Variants in SDK2 observed in about 807,000 individuals in gnomAD.
SDK2 encodes protein sidekick-2.
SDK2 carries 105 observed loss-of-function variants against 253.9 expected under a neutral mutation model. That is an observed-to-expected ratio of 0.41 (90% CI 0.35 to 0.49). The LOEUF (loss-of-function observed/expected upper bound fraction) is 0.49, where lower values mean the gene tolerates loss of function less well. Among genes scored for constraint, SDK2 ranks in the 20% least tolerant of loss-of-function variants. The pLI is 0.06. For missense variants in SDK2, 2,608 were observed against 3,003.0 expected (o/e 0.87, Z 3.07); for synonymous variants, 1,249 against 1,234.9 (o/e 1.01, Z -0.24).
chr17:73,433,578 C>T lies in SDK2; in HGVS notation c.1312+154G>A, dbSNP rs939910042. Reference sequence around the variant, plus strand: ...TGCTGGGATTATAGGCATGAGCCACCGCGCCCGGCCGAGAGATGCTCTCTT... The same window carrying T: ...TGCTGGGATTATAGGCATGAGCCACTGCGCCCGGCCGAGAGATGCTCTCTT... On this transcript the variant is annotated intron_variant, in intron 10 of 44. Coordinates refer to ENST00000392650, the MANE Select transcript of SDK2 (RefSeq NM_001144952.2). 7.2e-5 allele frequency among the ~76,000 whole-genome samples: 11 copies of T among 152,260 alleles called. No homozygotes were observed. In the East Asian group the frequency reaches 9.7e-4, roughly 13 times the overall value.
intron 4 of SDK2, among the ~76,000 whole-genome samples, chr17:73,451,458 C>T (rs977610876): frequency 6.6e-5 from 10 of 152,188 alleles, no homozygotes; most frequent in South Asian, 6.2e-4. Context: ...GAGCTGAGAT[C>T]GTGCCATTGC....
chr17:73,492,720 T>C (rs563632298), intron 2 of SDK2, among the ~76,000 whole-genome samples: 317 of 152,256 alleles, frequency 2.1e-3, no homozygotes, highest in African/African-American at 6.4e-3. Context: ...CCAGCTCCCC[T>C]GCCAAATGGC....
intron 18 of SDK2, among the ~76,000 whole-genome samples, chr17:73,409,654 C>T (rs2063109351): frequency 6.6e-6 from 1 of 151,056 alleles, no homozygotes; most frequent in Non-Finnish European, 1.5e-5. Flanking sequence ...AAAAAAAAAA[C>T]ACAAAAGGGG....
At chr17:73,448,677 TGA>T (rs1326935402) in intron 4 of SDK2, among the ~76,000 whole-genome samples, 3 of 150,802 alleles carry the variant, frequency 2.0e-5, no homozygotes, top group African/African-American at 4.9e-5. Context: ...TTTTTTTTTT[TGA>T]GACAGAGTTT....
intron 36 of SDK2, among the ~76,000 whole-genome samples, chr17:73,377,674 G>A (rs2062794475): frequency 6.9e-6 from 1 of 145,304 alleles, no homozygotes; most frequent in Non-Finnish European, 1.5e-5. Flanking sequence ...GTGCAATGGT[G>A]CAATCTCGGC....
Position 73,348,453 on chromosome 17 carries a change from A to T in SDK2, c.6165+146T>A, listed in dbSNP as rs181091511. On this transcript the variant is annotated intron_variant, in intron 44 of 44. Transcript: ENST00000392650. ...GAACTTGGGAGGGGACAGATGGCCC[A>T]TATATGACTTCAGGGTGGTTTCTTG... 674 of 968,044 alleles carry T rather than the reference A, an allele frequency of 7.0e-4. 2 individuals are homozygous for T. The African/African-American group carries it at 0.01, about 15-fold the overall frequency. 60.0% of individuals were successfully genotyped at this position (968,044 alleles called of 1,614,324 possible). A position where few individuals can be genotyped will look rare whatever the true frequency, so the allele number is the denominator to read the frequency against.
intron 2 of SDK2, among the ~76,000 whole-genome samples, chr17:73,504,931 A>T (rs896122218): frequency 6.6e-6 from 1 of 152,092 alleles, no homozygotes; most frequent in African/African-American, 2.4e-5. Flanking sequence ...GGGGCACAGC[A>T]AGTTTTTAAT....
intron 30 of SDK2, among the ~76,000 whole-genome samples, chr17:73,387,582 C>T (rs1403844817): frequency 6.6e-6 from 1 of 152,190 alleles, no homozygotes. Flanking sequence ...TAAAGGGGGA[C>T]TTCTAGGCTC....
At chr17:73,602,803 T>C (rs1047619098) in intron 1 of SDK2, among the ~76,000 whole-genome samples, 1 of 152,060 alleles carries the variant, frequency 6.6e-6, no homozygotes, top group Non-Finnish European at 1.5e-5. Context: ...CTCGGCTCAC[T>C]GCAAGCTCCA....
chr17:73,389,710 G>C (rs1017402263), intron 29 of SDK2, among the ~76,000 whole-genome samples: 4 of 152,138 alleles, frequency 2.6e-5, no homozygotes, highest in Non-Finnish European at 5.9e-5. Flanking sequence ...CCAGGGCTGT[G>C]AGTGGGGAGG....
At chr17:73,577,294 A>G (rs141430076) in intron 1 of SDK2, among the ~76,000 whole-genome samples, 121 of 152,350 alleles carry the variant, frequency 7.9e-4, no homozygotes, top group African/African-American at 2.8e-3. Flanking sequence ...TCTTAAGTGG[A>G]ATCCATTGGC....
intron 5 of SDK2, among the ~76,000 whole-genome samples, chr17:73,444,819 G>A (rs2063441183): frequency 6.6e-6 from 1 of 152,154 alleles, no homozygotes; most frequent in African/African-American, 2.4e-5. Context: ...CCCTCTCTTG[G>A]GCAGGCTTCT....
intron 3 of SDK2, among the ~76,000 whole-genome samples, chr17:73,466,718 C>T: frequency 1.4e-5 from 2 of 141,098 alleles, no homozygotes; most frequent in Admixed American, 1.4e-4. Context: ...GGGGAACGCC[C>T]CCCCCCCCCG....
In SDK2 at chr17:73,435,972, T is replaced by C. The variant is rs2063365126; in HGVS notation, c.1001-328A>G. On this transcript the variant is annotated intron_variant, in intron 8 of 44. Coordinates refer to ENST00000392650, the MANE Select transcript of SDK2 (RefSeq NM_001144952.2). This position sits in a 1 kb window ranked among gnomAD's most constrained non-coding sequence, Gnocchi z 5.7. ...TCTTGCTAGGTTGCCCAGGGTGGTC[T>C]AGAACTCTTGGTTTCAAGCGTTCCT... 6.6e-6 allele frequency among the ~76,000 whole-genome samples: 1 copy of C among 152,190 alleles called. No individual in the cohort carries two copies. Among genetic ancestry groups the C allele is most frequent in the African/African-American group, 2.4e-5 (1 of 41,438 alleles).
chr17:73,485,639 G>T (rs548503780), intron 2 of SDK2, among the ~76,000 whole-genome samples: 4 of 152,208 alleles, frequency 2.6e-5, no homozygotes, highest in Non-Finnish European at 5.9e-5. Context: ...GGAAGAAAGA[G>T]TTCACACATT....
Position 73,395,430 on chromosome 17 carries a change from A to G in SDK2, c.3355-38T>C. On this transcript the variant is annotated intron_variant, in intron 24 of 44. Coordinates refer to ENST00000392650, the MANE Select transcript of SDK2 (RefSeq NM_001144952.2). This position sits in a 1 kb window ranked among gnomAD's most constrained non-coding sequence, Gnocchi z 4.3. ...AGGGGTGGCAAAGCTGCTATGAGCC[A>G]GGCCCCCCACTGTGCAGGGAGGAAC... The G allele has an allele frequency of 6.4e-7, 1 of 1,567,054 alleles. No individual in the cohort carries two copies. The highest frequency in any genetic ancestry group is 8.8e-7 in the Non-Finnish European group (1 of 1,138,788).
chr17:73,348,601 G>A lies in SDK2; in HGVS notation c.6163C>T (p.Gln2055Ter), dbSNP rs1229671690. ...TEKPSEISDSQGSDSEYEVDS... is the reference protein window; with the variant it reads ...TEKPSEISDS ...ACACCTGGCCCTCCTGCCCTCACCT[G>A]AGAGTCGGAGATTTCTGAGGGCTTC... is the stretch of plus-strand genomic sequence containing the variant. Residue 2055 changes from glutamine to a stop codon, truncating the protein, a stop_gained and splice_region_variant, in exon 44 of 45, where the codon CAG becomes TAG. Coordinates refer to ENST00000392650, the MANE Select transcript of SDK2 (RefSeq NM_001144952.2). LOFTEE classifies it high-confidence loss of function. 6.2e-7 allele frequency: 1 copy of A among 1,612,426 alleles called. No individual in the cohort carries two copies. Among genetic ancestry groups the A allele is most frequent in the Non-Finnish European group, 8.5e-7 (1 of 1,179,616 alleles).
At chr17:73,386,366 T>TC in intron 31 of SDK2, 79 bp downstream of exon 31, 1 of 1,027,280 alleles carries the variant, frequency 9.7e-7, no homozygotes. Context: ...TGGAGGCCCC[T>TC]CCCCCCGTAA....
intron 34 of SDK2, among the ~76,000 whole-genome samples, chr17:73,380,020 GA>G (rs2145469361): frequency 6.6e-6 from 1 of 152,276 alleles, no homozygotes; most frequent in South Asian, 2.1e-4. Flanking sequence ...TCTGGACTAA[GA>G]AACCTGATGT....
Sources: allele counts gnomAD v4.1 joint callset (sites outside exome capture counted in the v4.1 genomes callset), GRCh38; gene constraint gnomAD v4.1.1; non-coding constraint Gnocchi (gnomAD v3.1); transcripts MANE v1.5; gene names NCBI Gene and HGNC (gene_info 2026-07-23, HGNC 2026-07-21).